CLEC16A: variants seen among roughly 807,000 people sequenced by gnomAD.
CLEC16A encodes C-type lectin domain containing 16A.
Under a neutral mutation model 109.5 loss-of-function variants are expected in CLEC16A, and 51 were observed. The observed-to-expected ratio is 0.47, with a 90% confidence interval of 0.37 to 0.59. The LOEUF is 0.59. Ranked by LOEUF, CLEC16A falls within the 20% of genes least tolerant of loss-of-function variation. The pLI is 0.00. For synonymous variants in CLEC16A, 673 were observed against 564.2 expected (o/e 1.19, Z -2.73); for missense variants, 1,339 against 1,394.0 (o/e 0.96, Z 0.63).
At chr16:11,000,640 C>T (rs2044614136) in intron 10 of CLEC16A, among the ~76,000 whole-genome samples, 1 of 152,184 alleles carries the variant, frequency 6.6e-6, no homozygotes, top group Non-Finnish European at 1.5e-5. Context: ...CATCTGGGGG[C>T]CCTCGGTTAT....
chr16:11,073,201 C>T (rs1353213678), intron 19 of CLEC16A, among the ~76,000 whole-genome samples: 1 of 152,190 alleles, frequency 6.6e-6, no homozygotes, highest in Non-Finnish European at 1.5e-5. Flanking sequence ...GGCCTGTTCT[C>T]TGCCCCCACC....
intron 19 of CLEC16A, among the ~76,000 whole-genome samples, chr16:11,116,899 C>T (rs1037844984): frequency 1.3e-5 from 2 of 152,156 alleles, no homozygotes; most frequent in Non-Finnish European, 2.9e-5. Context: ...AAACTCAGCA[C>T]TATTCAAAAT....
chr16:11,039,825 C>T lies in CLEC16A; in HGVS notation c.1609C>T (p.His537Tyr). Residue 537 changes from histidine to tyrosine, a missense_variant, in exon 14 of 24, where the codon CAC (histidine) becomes TAC (tyrosine). His to Tyr is a moderately conservative substitution (Grantham distance 83, BLOSUM62 2). This residue lies in a region of CLEC16A where 1,061 missense variants were observed against 1,006.8 expected (regional missense o/e 1.05). Coordinates refer to ENST00000409790, the MANE Select transcript of CLEC16A (RefSeq NM_015226.3). Reference protein sequence around the residue: ...PNAAEKTTYNHPLAERLIRIM... With the variant: ...PNAAEKTTYNYPLAERLIRIM... ...TGCGGCCGAGAAGACCACCTACAAC[C>T]ACCCGCTAGCTGAAAGACTCATCAG... 1 of 1,612,268 alleles carries T rather than the reference C, an allele frequency of 6.2e-7. No individual in the cohort carries two copies. The highest frequency in any genetic ancestry group is 8.5e-7 in the Non-Finnish European group (1 of 1,179,216).
At chr16:11,091,089 C>T (rs955125850) in intron 19 of CLEC16A, among the ~76,000 whole-genome samples, 1 of 152,160 alleles carries the variant, frequency 6.6e-6, no homozygotes, top group Non-Finnish European at 1.5e-5. Context: ...CGTGAGCCAC[C>T]AAGCCTAGCC....
chr16:11,084,131 C>G (rs973519867), intron 19 of CLEC16A, among the ~76,000 whole-genome samples: 1 of 151,962 alleles, frequency 6.6e-6, no homozygotes. Context: ...CTGAGTGTGT[C>G]CCCTTCAGCT....
chr16:11,172,395 A>G (rs2068560013), intron 23 of CLEC16A, among the ~76,000 whole-genome samples: 2 of 152,238 alleles, frequency 1.3e-5, no homozygotes, highest in African/African-American at 4.8e-5. Flanking sequence ...ACTCTGACCT[A>G]CAGTGAGTTC....
intron 23 of CLEC16A, among the ~76,000 whole-genome samples, chr16:11,166,982 C>T (rs1425840134): frequency 6.6e-6 from 1 of 152,040 alleles, no homozygotes; most frequent in African/African-American, 2.4e-5. Context: ...AAATGTGGTG[C>T]GGTCCAGTTG....
At chr16:11,090,004 A>T (rs1274893245) in intron 19 of CLEC16A, among the ~76,000 whole-genome samples, 1 of 152,118 alleles carries the variant, frequency 6.6e-6, no homozygotes, top group Non-Finnish European at 1.5e-5. Flanking sequence ...ACCATCCTTT[A>T]CACTCAGAAT....
chr16:10,957,206 T>A (rs2042030577), intron 1 of CLEC16A, among the ~76,000 whole-genome samples: 1 of 152,244 alleles, frequency 6.6e-6, no homozygotes, highest in South Asian at 2.1e-4. Context: ...ATGGGCTCAC[T>A]GCACTTGAGA....
intron 13 of CLEC16A, among the ~76,000 whole-genome samples, chr16:11,033,522 GTC>G (rs1435438494): frequency 6.6e-6 from 1 of 152,190 alleles, no homozygotes; most frequent in African/African-American, 2.4e-5. Flanking sequence ...TGAGCACAGA[GTC>G]TGCATTTGGT....
At chr16:11,169,186 C>T (rs2068399972) in intron 23 of CLEC16A, among the ~76,000 whole-genome samples, 1 of 152,206 alleles carries the variant, frequency 6.6e-6, no homozygotes, top group Non-Finnish European at 1.5e-5. Flanking sequence ...ATGGAGCCTC[C>T]CAGAGTCCAG....
At chr16:11,161,229 C>T (rs2054710487) in intron 22 of CLEC16A, among the ~76,000 whole-genome samples, 1 of 152,042 alleles carries the variant, frequency 6.6e-6, no homozygotes, top group East Asian at 1.9e-4. Flanking sequence ...TTTCTTATGC[C>T]CTGCTTAGGT....
intron 1 of CLEC16A, among the ~76,000 whole-genome samples, chr16:10,952,294 G>A (rs2041775319): frequency 6.6e-6 from 1 of 152,232 alleles, no homozygotes; most frequent in South Asian, 2.1e-4. Flanking sequence ...TGGAGTTCAA[G>A]ACCAGCCTGG....
intron 22 of CLEC16A, among the ~76,000 whole-genome samples, chr16:11,132,544 G>A (rs987955365): frequency 3.9e-5 from 6 of 152,134 alleles, no homozygotes; most frequent in Non-Finnish European, 7.3e-5. Context: ...TTGTTTGAAC[G>A]CCTGTTTTGT....
chr16:11,168,082 A>G (rs1031643287), intron 23 of CLEC16A, among the ~76,000 whole-genome samples: 1 of 152,226 alleles, frequency 6.6e-6, no homozygotes, highest in Non-Finnish European at 1.5e-5. Context: ...ACAAACAGCC[A>G]TATACTTCTT....
At chr16:10,974,528 C>T (rs572694032) in intron 7 of CLEC16A, among the ~76,000 whole-genome samples, 1 of 152,238 alleles carries the variant, frequency 6.6e-6, no homozygotes, top group South Asian at 2.1e-4. Flanking sequence ...CTGCTAGATG[C>T]CAGTAGCACC....
intron 23 of CLEC16A, among the ~76,000 whole-genome samples, chr16:11,173,424 C>T (rs1042172371): frequency 9.9e-5 from 15 of 152,054 alleles, no homozygotes; most frequent in African/African-American, 3.4e-4. Context: ...GTTTTTATTT[C>T]AGCCAATTAG....
At chr16:11,118,145 G>T (rs1188786683) in intron 19 of CLEC16A, among the ~76,000 whole-genome samples, 1 of 151,830 alleles carries the variant, frequency 6.6e-6, no homozygotes, top group African/African-American at 2.4e-5. Flanking sequence ...GTAGAGACAG[G>T]GTCTCACTAT....
At chr16:11,010,305 C>T (rs1450385015) in intron 11 of CLEC16A, among the ~76,000 whole-genome samples, 2 of 152,120 alleles carry the variant, frequency 1.3e-5, no homozygotes, top group Non-Finnish European at 2.9e-5. Flanking sequence ...TTTCATCTCC[C>T]TTTCTCAATG....
Sources: allele counts gnomAD v4.1 joint callset (sites outside exome capture counted in the v4.1 genomes callset), GRCh38; gene constraint gnomAD v4.1.1; regional missense constraint gnomAD v4.1.1; transcripts MANE v1.5; gene names NCBI Gene and HGNC (gene_info 2026-07-23, HGNC 2026-07-21).